CORO2A: variants seen among roughly 807,000 people sequenced by gnomAD.
The protein encoded by CORO2A is coronin 2A.
Under a neutral mutation model 62.4 loss-of-function variants are expected in CORO2A, and 47 were observed. The observed-to-expected ratio is 0.75, with a 90% CI of 0.60 to 0.96. The LOEUF (loss-of-function observed/expected upper bound fraction) is 0.96. Among genes scored for constraint, CORO2A ranks in the 40% least tolerant of loss-of-function variants. The pLI is 0.00. For missense variants in CORO2A, 610 were observed against 684.1 expected (o/e 0.89, Z 1.21); for synonymous variants, 273 against 268.9 (o/e 1.02, Z -0.15).
rs143921523 is a variant in CORO2A, at chr9:98,179,174, T to C, written c.-1+13385A>G. On this transcript the variant is annotated intron_variant, in intron 1 of 11. Coordinates refer to ENST00000375077, the MANE Select transcript of CORO2A (RefSeq NM_052820.4). Reference sequence around the variant, plus strand: ...TGTTTGAGTGCCGGTAAAGTCTCGCTGACATCTGCGGACTGGGAAGAAACC... The same window carrying C: ...TGTTTGAGTGCCGGTAAAGTCTCGCCGACATCTGCGGACTGGGAAGAAACC... Among the ~76,000 whole-genome samples the C allele has an allele frequency of 6.9e-3, 1,056 of 152,326 alleles. 9 individuals are homozygous for C. The highest frequency in any genetic ancestry group is 0.012 in the Non-Finnish European group (803 of 68,030).
At chr9:98,157,010 C>T (rs1827813881) in intron 2 of CORO2A, among the ~76,000 whole-genome samples, 1 of 152,118 alleles carries the variant, frequency 6.6e-6, no homozygotes, top group Admixed American at 6.6e-5. Flanking sequence ...TTATATGGTC[C>T]AACCTACGCT....
chr9:98,143,906 T>C (rs1587998256), intron 2 of CORO2A, among the ~76,000 whole-genome samples: 1 of 152,158 alleles, frequency 6.6e-6, no homozygotes, highest in African/African-American at 2.4e-5. Flanking sequence ...CTATAAGAAA[T>C]AGGTTTTTAA....
intron 1 of CORO2A, among the ~76,000 whole-genome samples, chr9:98,184,527 C>G (rs16913619): frequency 0.23 from 34,431 of 152,040 alleles, 3,954 homozygotes; most frequent in African/African-American, 0.26. Flanking sequence ...TGGTGGCCCT[C>G]TCTCTAAACA....
chr9:98,186,225 CTTA>C (rs1176004011), intron 1 of CORO2A, among the ~76,000 whole-genome samples: 2 of 150,428 alleles, frequency 1.3e-5, no homozygotes, highest in Non-Finnish European at 1.5e-5. Context: ...GGCCCCATCT[CTTA>C]TTGGGCCTTA....
intron 2 of CORO2A, among the ~76,000 whole-genome samples, chr9:98,138,787 G>A (rs565663571): frequency 2.6e-5 from 4 of 152,188 alleles, no homozygotes; most frequent in East Asian, 1.9e-4. Context: ...GGTGGCTCAC[G>A]ACTGTAATCC....
chr9:98,149,952 G>C (rs1489792827), intron 2 of CORO2A, among the ~76,000 whole-genome samples: 1 of 135,372 alleles, frequency 7.4e-6, no homozygotes, highest in African/African-American at 2.8e-5. Flanking sequence ...TTTTTTGAGA[G>C]AGTCTCGCAC....
At chr9:98,165,856 A>G (rs1026800361) in intron 1 of CORO2A, among the ~76,000 whole-genome samples, 1 of 152,212 alleles carries the variant, frequency 6.6e-6, no homozygotes, top group African/African-American at 2.4e-5. Flanking sequence ...CTCCTTCCCC[A>G]GACCTACTGA....
At position 98,128,653 on chromosome 9, in the gene CORO2A, G is replaced by T; in HGVS notation, c.1034C>A (p.Thr345Lys). The T allele has an allele frequency of 1.2e-6, 2 of 1,614,204 alleles. No homozygotes were observed. The highest frequency in any genetic ancestry group is 1.7e-6 in the Non-Finnish European group (2 of 1,180,046). ...CEIFRFYKLI[T>K]TKSLIEPISM... is the part of the protein sequence containing the mutation. ...GATGGGCTCGATGAGGCTTTTGGTT[G>T]TGATCAGCTTGTAGAAGCGGAAGAT... Residue 345 changes from threonine to lysine, a missense_variant, in exon 9 of 12, where the codon ACA (threonine) becomes AAA (lysine). Coordinates refer to ENST00000375077, the MANE Select transcript of CORO2A (RefSeq NM_052820.4).
intron 10 of CORO2A, among the ~76,000 whole-genome samples, chr9:98,127,747 G>C (rs1166465325): frequency 1.3e-5 from 2 of 151,232 alleles, no homozygotes; most frequent in East Asian, 3.9e-4. Context: ...CTGGGGGTGG[G>C]GTGGAGGTTG....
In CORO2A at chr9:98,126,443, T is replaced by G. The variant is rs987519723; in HGVS notation, c.1446+106A>C. 5.7e-5 allele frequency: 81 copies of G among 1,433,356 alleles called. No homozygotes were observed. In the African/African-American group the frequency reaches 9.8e-4, roughly 17 times the overall value. 88.8% of individuals were successfully genotyped at this position (1,433,356 alleles called of 1,614,324 possible). A position where few individuals can be genotyped will look rare whatever the true frequency, so the allele number is the denominator to read the frequency against. ...AAGTGACTAGGCCAGGCCACACAGC[T>G]GGTTATTCTTCTCATGCCTCATTTT... On this transcript the variant is annotated intron_variant, in intron 11 of 11. Coordinates refer to ENST00000375077, the MANE Select transcript of CORO2A (RefSeq NM_052820.4).
intron 1 of CORO2A, among the ~76,000 whole-genome samples, chr9:98,187,116 G>A (rs1166247122): frequency 2.0e-5 from 3 of 151,868 alleles, no homozygotes; most frequent in Admixed American, 6.6e-5. Flanking sequence ...CGTCTCTACT[G>A]AAAACACAAA....
chr9:98,188,061 T>C (rs1458290039), intron 1 of CORO2A, among the ~76,000 whole-genome samples: 2 of 152,218 alleles, frequency 1.3e-5, no homozygotes, highest in Admixed American at 6.5e-5. Flanking sequence ...TGCTCCTCTC[T>C]TCCTCTTCTC....
At position 98,128,693 on chromosome 9, in the gene CORO2A, C is replaced by G. The variant is rs760955757; in HGVS notation, c.994G>C (p.Val332Leu). 1 of 1,614,176 alleles carries G rather than the reference C, an allele frequency of 6.2e-7. No individual in the cohort carries two copies. Among genetic ancestry groups the G allele is most frequent in the Non-Finnish European group, 8.5e-7 (1 of 1,180,018 alleles). Residue 332 changes from valine (V) to leucine (L), a missense_variant, in exon 9 of 12, where the codon GTG becomes CTG. Physicochemically the swap from Val to Leu is conservative, Grantham distance 32. Transcript: ENST00000375077. Reference sequence around the variant, plus strand: ...AAGCGGAAGATCTCGCAGGAGGACACGTCGAGTCCTCTCTTTGGCATGACA... The same window carrying G: ...AAGCGGAAGATCTCGCAGGAGGACAGGTCGAGTCCTCTCTTTGGCATGACA... The part of the protein sequence containing the change: ...IGVMPKRGLD[V>L]SSCEIFRFYK...
intron 2 of CORO2A, among the ~76,000 whole-genome samples, chr9:98,148,408 A>AT (rs958873098): frequency 3.3e-5 from 5 of 149,736 alleles, no homozygotes; most frequent in South Asian, 2.1e-4. Context: ...AAAAAAAAAA[A>AT]AATAAGATAA....
chr9:98,136,511 T>C (rs1187182741), intron 3 of CORO2A, among the ~76,000 whole-genome samples: 1 of 152,288 alleles, frequency 6.6e-6, no homozygotes, highest in Non-Finnish European at 1.5e-5. Flanking sequence ...GCTTAGCTGC[T>C]GCAACCCTTC....
chr9:98,182,732 T>G (rs748341713), intron 1 of CORO2A, among the ~76,000 whole-genome samples: 1 of 152,190 alleles, frequency 6.6e-6, no homozygotes, highest in Non-Finnish European at 1.5e-5. Flanking sequence ...CAAGACTATC[T>G]AGCTACAATG....
intron 1 of CORO2A, among the ~76,000 whole-genome samples, chr9:98,187,520 A>G (rs4743182): frequency 0.58 from 86,995 of 151,176 alleles, 26,803 homozygotes; most frequent in African/African-American, 0.82. Context: ...CTCACAGTTC[A>G]GGAGGATGGA....
intron 3 of CORO2A, among the ~76,000 whole-genome samples, chr9:98,136,860 A>C (rs1453352613): frequency 6.6e-6 from 1 of 152,086 alleles, no homozygotes. Flanking sequence ...TGTGTTTTTT[A>C]ATTTTTTAAT....
At chr9:98,178,387 A>G (rs1379999429) in intron 1 of CORO2A, among the ~76,000 whole-genome samples, 2 of 152,218 alleles carry the variant, frequency 1.3e-5, no homozygotes, top group Admixed American at 1.3e-4. Flanking sequence ...CATAGTAAGT[A>G]AGCACTGCTA....
Sources: allele counts gnomAD v4.1 joint callset (sites outside exome capture counted in the v4.1 genomes callset), GRCh38; gene constraint gnomAD v4.1.1; transcripts MANE v1.5; gene names NCBI Gene and HGNC (gene_info 2026-07-23, HGNC 2026-07-21).